KCNQ1: variants seen among roughly 807,000 people sequenced by gnomAD.
The protein encoded by KCNQ1 is potassium voltage-gated channel subfamily Q member 1.
In KCNQ1, 49 loss-of-function variants were observed where a neutral mutation model predicts 72.4. The ratio of observed to expected loss-of-function variants is 0.68; its 90% CI spans 0.54 to 0.86. The LOEUF (loss-of-function observed/expected upper bound fraction) is 0.86. KCNQ1 is among the 40% of genes least tolerant of loss of function. KCNQ1 has a pLI of 0.00. For missense variants in KCNQ1, 790 were observed against 945.1 expected, an observed-to-expected ratio of 0.84 and a Z score of 2.15; for synonymous variants, 450 against 412.6, an observed-to-expected ratio of 1.09 and a Z score of -1.10.
rs574332396 is a variant in KCNQ1 at position 2,463,141 on chromosome 11, C to T, written c.386+17657C>T. Among the ~76,000 whole-genome samples the T allele has an allele frequency of 2.1e-3, 313 of 152,180 alleles. No homozygotes were observed. Among genetic ancestry groups the T allele is most frequent in the Non-Finnish European group, 3.3e-3 (226 of 68,002 alleles). ...GTGGATTCCAGGATTCCGGGTTGTG[C>T]TTGGTCAGAGTGGGGAACTGGACGC... is the stretch of plus-strand genomic sequence containing the variant. On this transcript the variant is annotated intron_variant, in intron 1 of 15. Coordinates refer to ENST00000155840, the MANE Select transcript of KCNQ1 (RefSeq NM_000218.3). The surrounding 1 kb of genome is among the most constrained non-coding windows in gnomAD (Gnocchi z 7.0).
At chr11:2,685,005 T>A in intron 11 of KCNQ1, 1 of 398,698 alleles carries the variant, frequency 2.5e-6, no homozygotes, top group Non-Finnish European at 4.4e-6. Context: ...TTCATTCATA[T>A]CTTCTTGCCA....
At chr11:2,777,096 C>A in intron 14 of KCNQ1, 64 bp downstream of exon 14, 2 of 1,491,688 alleles carry the variant, frequency 1.3e-6, no homozygotes, top group Middle Eastern at 1.7e-4. Flanking sequence ...GCACCTCTGC[C>A]CTCCTGGCTC....
In KCNQ1 at chr11:2,458,381, T is replaced by A. The variant is rs186358708; in HGVS notation, c.386+12897T>A. On this transcript the variant is annotated intron_variant, in intron 1 of 15. Transcript: ENST00000155840. This position sits in a 1 kb window ranked among gnomAD's most constrained non-coding sequence, Gnocchi z 4.6. ...AATCCTGGCAAGCAAACGGAGAGAA[T>A]CTGACATGTGTCCCAGTCGTGATTA... is the stretch of plus-strand genomic sequence containing the variant. 6.6e-6 allele frequency among the ~76,000 whole-genome samples: 1 copy of A among 152,172 alleles called. No individual in the cohort carries two copies. Among genetic ancestry groups the A allele is most frequent in the Admixed American group, 6.5e-5 (1 of 15,286 alleles).
chr11:2,634,297 C>T (rs1849415268), intron 10 of KCNQ1: 2 of 327,952 alleles, frequency 6.1e-6, no homozygotes, highest in East Asian at 4.6e-5. Context: ...TTAGGTATAT[C>T]TCCTAATGCT....
intron 11 of KCNQ1, among the ~76,000 whole-genome samples, chr11:2,749,641 CAAAAAAAAA>C (rs35701102): frequency 1.1e-4 from 10 of 87,124 alleles, no homozygotes; most frequent in East Asian, 3.7e-4. Flanking sequence ...ACTAAAAATA[CAAAAAAAAA>C]AAAAAAAAAA....
At chr11:2,797,370 G>A (rs1159158636) in intron 15 of KCNQ1, among the ~76,000 whole-genome samples, 2 of 152,240 alleles carry the variant, frequency 1.3e-5, no homozygotes, top group African/African-American at 4.8e-5. Context: ...AGCCAGAGGT[G>A]TGCCTGACGG....
Position 2,664,543 on chromosome 11 carries a change from G to A in KCNQ1, c.1514+2462G>A, listed in dbSNP as rs1201768820. The A allele has an allele frequency of 2.5e-5, 10 of 398,662 alleles. No homozygotes were observed. The highest frequency in any genetic ancestry group is 1.3e-4 in the South Asian group (1 of 7,870). The allele number at this position is 398,662 out of a possible 1,614,324, so 24.7% of individuals were successfully genotyped here. ...TCAGGGCCCAAACCGCCTGGCGGCA[G>A]GGGTGTGGGGGCCGTGCAGGTCTTC... On this transcript the variant is annotated intron_variant, in intron 11 of 15. Coordinates refer to ENST00000155840, the MANE Select transcript of KCNQ1 (RefSeq NM_000218.3). The surrounding 1 kb of genome is among the most constrained non-coding windows in gnomAD (Gnocchi z 5.1).
At position 2,660,193 on chromosome 11, in the gene KCNQ1, T is replaced by A. The variant is rs1266763067; in HGVS notation, c.1394-1768T>A. 2.5e-5 allele frequency: 10 copies of A among 398,410 alleles called. No individual in the cohort carries two copies. In the East Asian group the frequency reaches 3.6e-4, roughly 14 times the overall value. 24.7% of individuals were successfully genotyped at this position (398,410 alleles called of 1,614,324 possible). ...GGTTTTATGTTTTATTTTAGATTTT[T>A]TTTCAGTAAGTTTGTATGTAGTACC... is the stretch of plus-strand genomic sequence containing the variant. On this transcript the variant is annotated intron_variant, in intron 10 of 15. Coordinates refer to ENST00000155840, the MANE Select transcript of KCNQ1 (RefSeq NM_000218.3).
chr11:2,719,066 G>A (rs1315516876), intron 11 of KCNQ1, among the ~76,000 whole-genome samples: 1 of 152,230 alleles, frequency 6.6e-6, no homozygotes, highest in Non-Finnish European at 1.5e-5. Flanking sequence ...GTGTGCTGGG[G>A]CAGGAGGCCC....
At chr11:2,666,509 G>A (rs1211781775) in intron 11 of KCNQ1, 8 of 398,558 alleles carry the variant, frequency 2.0e-5, no homozygotes, top group Non-Finnish European at 3.1e-5. Flanking sequence ...CAGCAAGGCC[G>A]CTGTGGCCTG....
intron 15 of KCNQ1, among the ~76,000 whole-genome samples, chr11:2,798,140 G>GC (rs1459513098): frequency 2.7e-5 from 2 of 73,460 alleles, no homozygotes; most frequent in Non-Finnish European, 5.8e-5. Context: ...CCCACTTGTG[G>GC]CCCAGGCCCA....
Position 2,664,314 on chromosome 11 carries a change from G to A in KCNQ1, c.1514+2233G>A. 1 of 399,032 alleles carries A rather than the reference G, an allele frequency of 2.5e-6. No individual in the cohort carries two copies. Among genetic ancestry groups the A allele is most frequent in the Non-Finnish European group, 4.4e-6 (1 of 226,366 alleles). 24.7% of individuals were successfully genotyped at this position (399,032 alleles called of 1,614,324 possible). A position where few individuals can be genotyped will look rare whatever the true frequency, so the allele number is the denominator to read the frequency against. On this transcript the variant is annotated intron_variant, in intron 11 of 15. Coordinates refer to ENST00000155840, the MANE Select transcript of KCNQ1 (RefSeq NM_000218.3). This position sits in a 1 kb window ranked among gnomAD's most constrained non-coding sequence, Gnocchi z 5.1. ...CTTGAGGCATTGTGTTCTGGTCAGG[G>A]AAGACTCAGGGCTGAGGCTTCAGGG... is the stretch of plus-strand genomic sequence containing the variant.
At chr11:2,811,182 A>G (rs1008757508) in intron 15 of KCNQ1, among the ~76,000 whole-genome samples, 13 of 152,070 alleles carry the variant, frequency 8.5e-5, no homozygotes, top group Admixed American at 8.5e-4. Flanking sequence ...AGCTACCCCA[A>G]TCCAAATGGA....
rs1269633861 is a variant in KCNQ1, at chr11:2,484,667, A to T, written c.386+39183A>T. Among the ~76,000 whole-genome samples, 4 of 152,004 alleles carry T rather than the reference A, an allele frequency of 2.6e-5. No homozygotes were observed. Among genetic ancestry groups the T allele is most frequent in the Non-Finnish European group, 4.4e-5 (3 of 68,006 alleles). The stretch of plus-strand genomic sequence containing the variant: ...TCTCCAAGGAGCCAGGGTTCCTTCC[A>T]TTGGAGAGTGGTCTTTAGAAACCCA... On this transcript the variant is annotated intron_variant, in intron 1 of 15. Transcript: ENST00000155840. The surrounding 1 kb of genome is among the most constrained non-coding windows in gnomAD (Gnocchi z 5.2).
At chr11:2,459,511 G>C (rs1421091917) in intron 1 of KCNQ1, among the ~76,000 whole-genome samples, 1 of 152,156 alleles carries the variant, frequency 6.6e-6, no homozygotes, top group Non-Finnish European at 1.5e-5. Context: ...GGTATGTAGG[G>C]GTCACTGCCA....
intron 3 of KCNQ1, among the ~76,000 whole-genome samples, 178 bp downstream of exon 3, chr11:2,570,932 C>G (rs568710320): frequency 6.6e-6 from 1 of 152,336 alleles, no homozygotes; most frequent in South Asian, 2.1e-4. Context: ...CCTCTGCACT[C>G]AGACGCTGAT....
intron 12 of KCNQ1, among the ~76,000 whole-genome samples, chr11:2,770,880 A>G (rs1436336368): frequency 6.6e-6 from 1 of 152,246 alleles, no homozygotes; most frequent in African/African-American, 2.4e-5. Context: ...CAGACAGGGA[A>G]GGGGCTGCGT....
rs182222379 is a variant in KCNQ1, at chr11:2,482,620, C to T, written c.386+37136C>T. ...TTTCCTAATTTAGCTTCCTACTGTG[C>T]TGCTGGACATCACTGACTCCCCCCG... On this transcript the variant is annotated intron_variant, in intron 1 of 15. Transcript: ENST00000155840. This position sits in a 1 kb window ranked among gnomAD's most constrained non-coding sequence, Gnocchi z 5.7. Among the ~76,000 whole-genome samples the T allele has an allele frequency of 1.2e-4, 19 of 152,106 alleles. No individual in the cohort carries two copies. Among genetic ancestry groups the T allele is most frequent in the African/African-American group, 4.6e-4 (19 of 41,408 alleles).
chr11:2,848,176 C>T lies in KCNQ1; in HGVS notation c.*173C>T, dbSNP rs1848379181. The stretch of plus-strand genomic sequence containing the variant: ...GTCTGGCACAGCCTGCACTTGGGGG[C>T]TCAGCAAGGCCACCTCTTCCTGGCC... On this transcript the variant is annotated 3_prime_UTR_variant, in exon 16 of 16. Coordinates refer to ENST00000155840, the MANE Select transcript of KCNQ1 (RefSeq NM_000218.3). 3 of 714,532 alleles carry T rather than the reference C, an allele frequency of 4.2e-6. No homozygotes were observed. Among genetic ancestry groups the T allele is most frequent in the Non-Finnish European group, 7.3e-6 (3 of 408,548 alleles). 44.3% of individuals were successfully genotyped at this position (714,532 alleles called of 1,614,324 possible). A position where few individuals can be genotyped will look rare whatever the true frequency, so the allele number is the denominator to read the frequency against.
Sources: gnomAD v4.1 joint callset for allele counts (sites outside exome capture counted in the v4.1 genomes callset) on GRCh38, gnomAD v4.1.1 for gene constraint, Gnocchi (gnomAD v3.1) non-coding constraint, MANE v1.5 for transcripts, NCBI Gene and HGNC (gene_info 2026-07-23, HGNC 2026-07-21) for gene names.